DLG2: variants seen among roughly 807,000 people sequenced by gnomAD.
DLG2 encodes disks large homolog 2.
Under a neutral mutation model 132.5 loss-of-function variants are expected in DLG2, and 45 were observed. The ratio of observed to expected loss-of-function variants is 0.34; its 90% confidence interval spans 0.27 to 0.44. The LOEUF is 0.44. Among genes scored for constraint, DLG2 ranks in the 20% least tolerant of loss-of-function variants. The pLI is 1.00. For missense variants in DLG2, 1,045 were observed against 1,196.9 expected (o/e 0.87, Z 1.87); for synonymous variants, 424 against 419.6 (o/e 1.01, Z -0.13).
chr11:83,987,045 G>A (rs1180601661), intron 11 of DLG2, among the ~76,000 whole-genome samples: 1 of 152,072 alleles, frequency 6.6e-6, no homozygotes, highest in Non-Finnish European at 1.5e-5. Flanking sequence ...CTTTTGCTGT[G>A]CAGAAGCTCT....
intron 10 of DLG2, among the ~76,000 whole-genome samples, chr11:84,074,638 C>G (rs1361825586): frequency 6.6e-6 from 1 of 151,660 alleles, no homozygotes; most frequent in Non-Finnish European, 1.5e-5. Context: ...ACGCCATTCT[C>G]CTGCCTCAGC....
chr11:83,945,289 C>G (rs977457911), intron 14 of DLG2, among the ~76,000 whole-genome samples: 1 of 152,026 alleles, frequency 6.6e-6, no homozygotes, highest in Non-Finnish European at 1.5e-5. Context: ...TAAATAAATA[C>G]AAAAATAAGT....
chr11:83,522,729 C>T lies in DLG2; in HGVS notation c.2193+9979G>A, dbSNP rs376056976. On this transcript the variant is annotated intron_variant, in intron 21 of 27. Transcript: ENST00000376104. ...GTTTATTATTATAGTTGAAAAATCA[C>T]ATCTCAGAAAGAGAAGCTATTTGCT... Among the ~76,000 whole-genome samples, 10 of 151,804 alleles carry T rather than the reference C, an allele frequency of 6.6e-5. No individual in the cohort carries two copies. The East Asian group carries it at 1.9e-3, about 29-fold the overall frequency.
At chr11:85,233,217 G>A (rs114554888) in intron 4 of DLG2, among the ~76,000 whole-genome samples, 3,362 of 151,854 alleles carry the variant, frequency 0.022, 63 homozygotes, top group Admixed American at 0.038. Flanking sequence ...TACAGGTTGA[G>A]GTCTGCGTAT....
At chr11:85,099,065 C>T (rs1294030440) in intron 6 of DLG2, among the ~76,000 whole-genome samples, 4 of 152,212 alleles carry the variant, frequency 2.6e-5, no homozygotes, top group Non-Finnish European at 5.9e-5. Flanking sequence ...GGAGCTACAG[C>T]AACTAATGTT....
intron 15 of DLG2, among the ~76,000 whole-genome samples, chr11:83,926,782 A>G (rs1378785848): frequency 6.6e-6 from 1 of 152,134 alleles, no homozygotes; most frequent in East Asian, 1.9e-4. Flanking sequence ...ATTCAAGAAC[A>G]CAGAGAACAG....
At chr11:84,128,424 C>G (rs1486004457) in intron 9 of DLG2, among the ~76,000 whole-genome samples, 1 of 152,058 alleles carries the variant, frequency 6.6e-6, no homozygotes, top group African/African-American at 2.4e-5. Flanking sequence ...CTCATACAAT[C>G]CTATATTTTA....
At chr11:84,821,727 A>G (rs79133634) in intron 6 of DLG2, among the ~76,000 whole-genome samples, 3,701 of 151,692 alleles carry the variant, frequency 0.024, 167 homozygotes, top group African/African-American at 0.086. Context: ...CCAATGTAGA[A>G]GATTCTTTGC....
At chr11:83,688,125 G>C (rs1363319058) in intron 18 of DLG2, among the ~76,000 whole-genome samples, 3 of 152,090 alleles carry the variant, frequency 2.0e-5, no homozygotes, top group Non-Finnish European at 4.4e-5. Context: ...AAGTGTCCAC[G>C]TTAATGGTCA....
At chr11:84,078,020 T>G (rs1285044006) in intron 10 of DLG2, among the ~76,000 whole-genome samples, 1 of 152,216 alleles carries the variant, frequency 6.6e-6, no homozygotes, top group African/African-American at 2.4e-5. Flanking sequence ...TTATTAGTGT[T>G]ATGCAATTTA....
intron 3 of DLG2, among the ~76,000 whole-genome samples, chr11:85,534,879 G>A (rs1305103055): frequency 6.6e-6 from 1 of 152,164 alleles, no homozygotes; most frequent in Admixed American, 6.5e-5. Flanking sequence ...TGCGTTGGAT[G>A]GCGATTCTAT....
At chr11:84,805,080 C>A in intron 6 of DLG2, among the ~76,000 whole-genome samples, 1 of 152,120 alleles carries the variant, frequency 6.6e-6, no homozygotes, top group Non-Finnish European at 1.5e-5. Context: ...ACCTTCCCAC[C>A]TTTGCCCCTC....
intron 15 of DLG2, among the ~76,000 whole-genome samples, chr11:83,879,739 G>A (rs1336816529): frequency 6.6e-6 from 1 of 152,054 alleles, no homozygotes; most frequent in Non-Finnish European, 1.5e-5. Flanking sequence ...TGTTAATTGG[G>A]CACTTATTAT....
intron 16 of DLG2, among the ~76,000 whole-genome samples, chr11:83,873,177 C>G (rs2063807498): frequency 6.6e-6 from 1 of 152,120 alleles, no homozygotes; most frequent in African/African-American, 2.4e-5. Flanking sequence ...CCAAGCTATG[C>G]TACTTTCTAT....
chr11:84,292,966 A>T (rs2098027077), intron 7 of DLG2, among the ~76,000 whole-genome samples: 1 of 152,188 alleles, frequency 6.6e-6, no homozygotes, highest in Admixed American at 6.5e-5. Context: ...AAGTTTACAA[A>T]TATGTATTGG....
intron 20 of DLG2, among the ~76,000 whole-genome samples, chr11:83,540,467 G>A (rs1402034371): frequency 6.6e-6 from 1 of 152,132 alleles, no homozygotes; most frequent in African/African-American, 2.4e-5. Context: ...GAGGCTCCCT[G>A]GAATTTCGGC....
intron 15 of DLG2, among the ~76,000 whole-genome samples, chr11:83,909,274 T>C (rs190273818): frequency 1.3e-5 from 2 of 152,348 alleles, no homozygotes; most frequent in African/African-American, 4.8e-5. Flanking sequence ...TTTTCCCATC[T>C]GTACATTATA....
intron 7 of DLG2, among the ~76,000 whole-genome samples, chr11:84,279,485 T>C (rs1022985766): frequency 2.0e-5 from 3 of 152,194 alleles, no homozygotes; most frequent in African/African-American, 4.8e-5. Context: ...TATAAGTCAT[T>C]CTACTATAAG....
intron 8 of DLG2, among the ~76,000 whole-genome samples, chr11:84,202,510 A>C (rs545781126): frequency 1.3e-5 from 2 of 152,330 alleles, no homozygotes; most frequent in South Asian, 4.1e-4. Context: ...AAAACTATAA[A>C]AACCCTAGAA....
Sources: gnomAD v4.1 joint callset for allele counts (sites outside exome capture counted in the v4.1 genomes callset) on GRCh38, gnomAD v4.1.1 for gene constraint, MANE v1.5 for transcripts, NCBI Gene and HGNC (gene_info 2026-07-23, HGNC 2026-07-21) for gene names.